Variants in ATXN3 observed in about 807,000 individuals in gnomAD.
ATXN3 encodes ataxin-3.
In ATXN3, 28 loss-of-function variants were observed where a neutral mutation model predicts 58.2. That is an observed-to-expected ratio of 0.48 (90% CI 0.36 to 0.66). The LOEUF is 0.66. Ranked by LOEUF, ATXN3 falls within the 30% of genes least tolerant of loss-of-function variation. ATXN3 has a pLI of 0.00. For synonymous variants in ATXN3, 113 were observed against 138.5 expected, an observed-to-expected ratio of 0.82 and a Z score of 1.29; for missense variants, 321 against 422.1, an observed-to-expected ratio of 0.76 and a Z score of 2.10.
In ATXN3 at chr14:92,093,047, T is replaced by C. The variant is rs999927895; in HGVS notation, c.387+205A>G. On this transcript the variant is annotated intron_variant, in intron 5 of 10. Coordinates refer to ENST00000644486, the MANE Select transcript of ATXN3 (RefSeq NM_004993.6). ...CCTGGCTCTTTGTTTTTTTTTTTAT[T>C]TATTTTTATTTTTATTTTTATTTTT... Among the ~76,000 whole-genome samples the C allele has an allele frequency of 4.5e-5, 6 of 134,796 alleles. No individual in the cohort carries two copies. In the East Asian group the frequency reaches 7.1e-4, roughly 16 times the overall value. 88.4% of individuals were successfully genotyped at this position (134,796 alleles called of 152,430 possible).
rs2063128598 is a variant in ATXN3 at position 92,088,735 on chromosome 14, T to A, written c.470A>T (p.Gln157Leu). The A allele has an allele frequency of 2.5e-6, 4 of 1,595,040 alleles. No homozygotes were observed. In the South Asian group the frequency reaches 4.4e-5, roughly 18 times the overall value. Reference protein sequence around the residue: ...YLALFLAQLQQEGYSIFVVKG... With the variant: ...YLALFLAQLQLEGYSIFVVKG... ...AATGTTCAGCCGTTACTTACCTTCCTGTTGTAATTGAGCCAAGAAAAGTGC... is the reference window on the plus strand; with the variant it reads ...AATGTTCAGCCGTTACTTACCTTCCAGTTGTAATTGAGCCAAGAAAAGTGC... Residue 157 changes from glutamine to leucine, a missense_variant, in exon 6 of 11, where the codon CAG becomes CTG. Gln to Leu is a moderately radical substitution (Grantham distance 113, BLOSUM62 -2). Coordinates refer to ENST00000644486, the MANE Select transcript of ATXN3 (RefSeq NM_004993.6).
At chr14:92,105,956 A>C (rs2141394130) in intron 1 of ATXN3, among the ~76,000 whole-genome samples, 1 of 152,196 alleles carries the variant, frequency 6.6e-6, no homozygotes, top group East Asian at 1.9e-4. Context: ...CACTTCCTAA[A>C]TGTCAGGCCC....
chr14:92,097,675 A>G (rs981581335), intron 1 of ATXN3, among the ~76,000 whole-genome samples: 5 of 151,472 alleles, frequency 3.3e-5, no homozygotes, highest in Non-Finnish European at 4.4e-5. Flanking sequence ...ACAGGTGCCC[A>G]CCGCCATGCC....
chr14:92,089,431 C>T (rs1230296937), intron 5 of ATXN3, among the ~76,000 whole-genome samples: 3 of 150,456 alleles, frequency 2.0e-5, no homozygotes, highest in South Asian at 4.2e-4. Context: ...CTCCGCCTCC[C>T]GGGTTCATGC....
intron 8 of ATXN3, 134 bp from the exon 9 acceptor site, chr14:92,081,195 G>T: frequency 1.7e-6 from 1 of 593,832 alleles, no homozygotes; most frequent in Non-Finnish European, 2.9e-6. Context: ...CTTCTGGCTG[G>T]GCGTGGTGGC....
intron 9 of ATXN3, among the ~76,000 whole-genome samples, chr14:92,079,880 G>T (rs541660577): frequency 7.2e-5 from 11 of 152,224 alleles, no homozygotes; most frequent in African/African-American, 2.4e-4. Context: ...TGGGATTACA[G>T]GCACCCACCA....
At chr14:92,089,562 T>G (rs545046382) in intron 5 of ATXN3, among the ~76,000 whole-genome samples, 17 of 151,918 alleles carry the variant, frequency 1.1e-4, no homozygotes, top group African/African-American at 3.4e-4. Context: ...ATGGTCTTGA[T>G]CTCTTGACCT....
rs577644529 is a variant in ATXN3, at chr14:92,062,265, A to C, written c.*2055T>G. 6.6e-6 allele frequency: 1 copy of C among 152,146 alleles called. No individual in the cohort carries two copies. Among genetic ancestry groups the C allele is most frequent in the South Asian group, 2.1e-4 (1 of 4,812 alleles). The allele number at this position is 152,146 out of a possible 1,614,324, so 9.4% of individuals were successfully genotyped here. A position where few individuals can be genotyped will look rare whatever the true frequency, so the allele number is the denominator to read the frequency against. On this transcript the variant is annotated 3_prime_UTR_variant, in exon 11 of 11. Transcript: ENST00000644486. ...TAGCAAGACTCCGTCTCAAAAAAAA[A>C]CAAAAACAAAAACAAAAACTCTCTA...
chr14:92,096,573 G>A lies in ATXN3; in HGVS notation c.189+101C>T, dbSNP rs183754939. 6.5e-4 allele frequency: 797 copies of A among 1,224,506 alleles called. 7 individuals carry two copies. In the African/African-American group the frequency reaches 0.011, roughly 17 times the overall value. 75.9% of individuals were successfully genotyped at this position (1,224,506 alleles called of 1,614,324 possible). On this transcript the variant is annotated intron_variant, in intron 2 of 10. Transcript: ENST00000644486. ...CGGGAGGCAGAGGTTGCAGTGAGCC[G>A]AGATCGCGCCATTGCACTCCAGCAT...
chr14:92,082,908 C>G (rs2061727542), intron 7 of ATXN3, among the ~76,000 whole-genome samples: 1 of 151,970 alleles, frequency 6.6e-6, no homozygotes, highest in Admixed American at 6.6e-5. Context: ...CCTCAGCCTC[C>G]CGAAGTGCTA....
intron 9 of ATXN3, among the ~76,000 whole-genome samples, chr14:92,073,966 T>C (rs1332788134): frequency 6.9e-6 from 1 of 144,272 alleles, no homozygotes; most frequent in Non-Finnish European, 1.5e-5. Flanking sequence ...TGCGCCAAGA[T>C]TGCACCACTG....
At chr14:92,103,212 T>TG (rs2067273882) in intron 1 of ATXN3, among the ~76,000 whole-genome samples, 1 of 151,944 alleles carries the variant, frequency 6.6e-6, no homozygotes, top group Non-Finnish European at 1.5e-5. Context: ...AGTTAGGGGT[T>TG]GGCAAACTCT....
chr14:92,073,186 C>G (rs2059745984), intron 9 of ATXN3, among the ~76,000 whole-genome samples: 1 of 152,164 alleles, frequency 6.6e-6, no homozygotes, highest in Non-Finnish European at 1.5e-5. Context: ...CTTTATTCTA[C>G]TTTTAGTTTA....
At chr14:92,098,509 C>G (rs1423902398) in intron 1 of ATXN3, among the ~76,000 whole-genome samples, 1 of 152,098 alleles carries the variant, frequency 6.6e-6, no homozygotes, top group Non-Finnish European at 1.5e-5. Flanking sequence ...ATCGCTTGAA[C>G]CCAGGAAGTA....
At chr14:92,070,887 GATAAAGTGTGAAGGT>G (rs1157559009) in intron 10 of ATXN3, 33 bp downstream of exon 10, 2 of 1,613,872 alleles carry the variant, frequency 1.2e-6, no homozygotes, top group Non-Finnish European at 1.7e-6. Context: ...TCGTATGTCA[GATAAAGTGTGAAGGT>G]AGCGAACATG....
intron 10 of ATXN3, among the ~76,000 whole-genome samples, chr14:92,068,567 C>T (rs546491366): frequency 6.6e-6 from 1 of 152,208 alleles, no homozygotes; most frequent in East Asian, 1.9e-4. Context: ...TGTCTTCTCT[C>T]TGCCTTTGAG....
At chr14:92,079,574 T>C (rs918251051) in intron 9 of ATXN3, 67 of 269,770 alleles carry the variant, frequency 2.5e-4, no homozygotes, top group African/African-American at 1.4e-3. Flanking sequence ...CAATTATGAC[T>C]GTAAGATGCT....
In ATXN3 at chr14:92,063,218, T is replaced by C. The variant is rs898022921; in HGVS notation, c.*1102A>G. The stretch of plus-strand genomic sequence containing the variant: ...AAACATATTTTCATTAGTAAATTAT[T>C]TTCATGTTCCAGATCACCATCTTTG... On this transcript the variant is annotated 3_prime_UTR_variant, in exon 11 of 11. Transcript: ENST00000644486. 1 of 152,644 alleles carries C rather than the reference T, an allele frequency of 6.6e-6. No individual in the cohort carries two copies. The highest frequency in any genetic ancestry group is 1.5e-5 in the Non-Finnish European group (1 of 68,040). 9.5% of individuals were successfully genotyped at this position (152,644 alleles called of 1,614,324 possible).
At position 92,064,392 on chromosome 14, in the gene ATXN3, G is replaced by A. The variant is rs750747570; in HGVS notation, c.1014C>T (p.Asp338=). The A allele has an allele frequency of 1.2e-6, 2 of 1,612,696 alleles. No individual in the cohort carries two copies. The highest frequency in any genetic ancestry group is 2.7e-5 in the African/African-American group (2 of 74,870). ...ACATGGTCACAGCTGCCTGAAGCAT[G>A]TCTTCTTCACTCATAGCATCACCTG... is the stretch of plus-strand genomic sequence containing the variant. The part of the protein sequence containing the change: ...SDLGDAMSEE[D]MLQAAVTMSL... The change falls in exon 11 of 11, where the codon GAC becomes GAT. Residue 338 remains aspartate (D), a synonymous_variant. Transcript: ENST00000644486.
Sources: gnomAD v4.1 joint callset for allele counts (sites outside exome capture counted in the v4.1 genomes callset) on GRCh38, gnomAD v4.1.1 for gene constraint, MANE v1.5 for transcripts, NCBI Gene and HGNC (gene_info 2026-07-23, HGNC 2026-07-21) for gene names.